The following PPP3CA variants were observed in gnomAD, a reference collection of about 807,000 sequenced individuals.
PPP3CA encodes CAM-PRP catalytic subunit.
Under a neutral mutation model 66.5 loss-of-function variants are expected in PPP3CA, and 14 were observed. The observed-to-expected ratio is 0.21, with a 90% CI of 0.14 to 0.33. PPP3CA has a LOEUF of 0.33. PPP3CA is among the 10% of genes least tolerant of loss of function. The pLI, the probability that PPP3CA is intolerant of heterozygous loss-of-function variation, is 1.00. For synonymous variants in PPP3CA, 232 were observed against 226.2 expected (o/e 1.03, Z -0.23); for missense variants, 317 against 639.5 (o/e 0.50, Z 5.44).
In PPP3CA at chr4:101,133,097, T is replaced by A. The variant is rs192906812; in HGVS notation, c.260-24019A>T. On this transcript the variant is annotated intron_variant, in intron 2 of 13. Transcript: ENST00000394854. ...ATAAACTAGGTATTGATAGAACGTATCTCAAAGTAATAAGAGCTGTTTATG... is the reference window on the plus strand; with the variant it reads ...ATAAACTAGGTATTGATAGAACGTAACTCAAAGTAATAAGAGCTGTTTATG... 3.9e-5 allele frequency among the ~76,000 whole-genome samples: 6 copies of A among 152,182 alleles called. No individual in the cohort carries two copies. The East Asian group carries it at 9.6e-4, about 24-fold the overall frequency.
intron 2 of PPP3CA, among the ~76,000 whole-genome samples, chr4:101,137,164 AAGAAGGGC>A (rs1422730259): frequency 1.3e-5 from 2 of 152,192 alleles, no homozygotes; most frequent in Non-Finnish European, 2.9e-5. Flanking sequence ...AGTTACATAA[AAGAAGGGC>A]TCAACAAGTA....
At chr4:101,073,522 G>A (rs1354254945) in intron 8 of PPP3CA, among the ~76,000 whole-genome samples, 3 of 151,854 alleles carry the variant, frequency 2.0e-5, no homozygotes, top group South Asian at 2.1e-4. Flanking sequence ...TGATCTGCCC[G>A]CCTCAGCCTC....
chr4:101,270,281 T>A (rs1727296789), intron 1 of PPP3CA, among the ~76,000 whole-genome samples: 1 of 152,084 alleles, frequency 6.6e-6, no homozygotes, highest in South Asian at 2.1e-4. Context: ...TCACAACCAA[T>A]AAAACCTTTA....
At chr4:101,327,893 A>G (rs1315894670) in intron 1 of PPP3CA, among the ~76,000 whole-genome samples, 1 of 152,222 alleles carries the variant, frequency 6.6e-6, no homozygotes, top group Non-Finnish European at 1.5e-5. Context: ...ACGTTACTCA[A>G]ATTTTTCATC....
intron 1 of PPP3CA, among the ~76,000 whole-genome samples, chr4:101,295,302 C>T (rs1236192914): frequency 7.8e-6 from 1 of 127,490 alleles, no homozygotes; most frequent in African/African-American, 3.0e-5. Context: ...AGCGAGACTC[C>T]GTCTCAAAAA....
chr4:101,161,139 T>C (rs1723493968), intron 2 of PPP3CA, among the ~76,000 whole-genome samples: 1 of 152,154 alleles, frequency 6.6e-6, no homozygotes, highest in Non-Finnish European at 1.5e-5. Context: ...AGTAACGTGG[T>C]ACAGGTTTGT....
At chr4:101,285,763 T>C (rs1273545975) in intron 1 of PPP3CA, among the ~76,000 whole-genome samples, 4 of 152,074 alleles carry the variant, frequency 2.6e-5, no homozygotes, top group Non-Finnish European at 5.9e-5. Flanking sequence ...AACTTATCAA[T>C]GCAAGCTGCT....
chr4:101,084,045 A>C (rs1260927219), intron 6 of PPP3CA, among the ~76,000 whole-genome samples: 1 of 152,196 alleles, frequency 6.6e-6, no homozygotes, highest in Non-Finnish European at 1.5e-5. Context: ...TAAACCTGAA[A>C]AACCTTTTAC....
intron 1 of PPP3CA, among the ~76,000 whole-genome samples, chr4:101,281,009 G>A (rs1727666239): frequency 6.6e-6 from 1 of 152,126 alleles, no homozygotes; most frequent in South Asian, 2.1e-4. Context: ...GATGCAGGAG[G>A]AGAACCAAGA....
At chr4:101,082,274 G>T (rs1432673666) in intron 7 of PPP3CA, among the ~76,000 whole-genome samples, 4 of 152,212 alleles carry the variant, frequency 2.6e-5, no homozygotes, top group Non-Finnish European at 4.4e-5. Flanking sequence ...TTGACTGATT[G>T]CTTGAAAACA....
rs563291979 is a variant in PPP3CA at position 101,204,574 on chromosome 4, T to C, written c.59-8458A>G. 5.0e-4 allele frequency among the ~76,000 whole-genome samples: 74 copies of C among 146,754 alleles called. 1 individual carries two copies. Among genetic ancestry groups the C allele is most frequent in the African/African-American group, 1.5e-3 (59 of 38,812 alleles). ...TGGCGCAAACCTGGGAAGCGGAGCATGTAGTGAGCCCAGATGGCACTACTG... is the reference window on the plus strand; with the variant it reads ...TGGCGCAAACCTGGGAAGCGGAGCACGTAGTGAGCCCAGATGGCACTACTG... On this transcript the variant is annotated intron_variant, in intron 1 of 13. Transcript: ENST00000394854.
chr4:101,189,452 C>CATAAACCTGTAACATTA (rs1724519742), intron 2 of PPP3CA, among the ~76,000 whole-genome samples: 1 of 151,896 alleles, frequency 6.6e-6, no homozygotes. Flanking sequence ...TTAATGACTT[C>CATAAACCTGTAACATTA]ATAAACCTGT....
At chr4:101,315,807 T>C (rs1377819469) in intron 1 of PPP3CA, among the ~76,000 whole-genome samples, 6 of 152,236 alleles carry the variant, frequency 3.9e-5, no homozygotes, top group African/African-American at 1.4e-4. Flanking sequence ...CAGTCATGGG[T>C]TCGTAGTTTT....
intron 1 of PPP3CA, among the ~76,000 whole-genome samples, chr4:101,307,498 A>G (rs1379334763): frequency 2.0e-5 from 3 of 152,192 alleles, no homozygotes; most frequent in Non-Finnish European, 2.9e-5. Context: ...GTCAAACTCT[A>G]ATATATACAG....
At chr4:101,308,165 G>A (rs1728605472) in intron 1 of PPP3CA, among the ~76,000 whole-genome samples, 1 of 152,144 alleles carries the variant, frequency 6.6e-6, no homozygotes, top group Non-Finnish European at 1.5e-5. Context: ...TACAACAAAT[G>A]TCTGGCCTGA....
intron 2 of PPP3CA, among the ~76,000 whole-genome samples, chr4:101,184,874 G>A (rs1724359033): frequency 6.6e-6 from 1 of 152,086 alleles, no homozygotes; most frequent in Non-Finnish European, 1.5e-5. Flanking sequence ...TTATTCCAGG[G>A]TGAGGCAAGG....
At chr4:101,105,596 A>C (rs78589893) in intron 3 of PPP3CA, among the ~76,000 whole-genome samples, 2,510 of 152,286 alleles carry the variant, frequency 0.016, 56 homozygotes, top group African/African-American at 0.057. Context: ...AACAAACAAA[A>C]AAAGGTAAAT....
chr4:101,250,891 C>T (rs1413198674), intron 1 of PPP3CA, among the ~76,000 whole-genome samples: 1 of 151,986 alleles, frequency 6.6e-6, no homozygotes, highest in Non-Finnish European at 1.5e-5. Flanking sequence ...ACGATCTCAA[C>T]TGTGATTACC....
At chr4:101,094,611 C>A (rs192382151) in intron 5 of PPP3CA, among the ~76,000 whole-genome samples, 1 of 152,020 alleles carries the variant, frequency 6.6e-6, no homozygotes, top group East Asian at 1.9e-4. Flanking sequence ...TCAACTTTAG[C>A]GGGTCATTCT....
Sources: gnomAD v4.1 joint callset for allele counts (sites outside exome capture counted in the v4.1 genomes callset) on GRCh38, gnomAD v4.1.1 for gene constraint, MANE v1.5 for transcripts, NCBI Gene and HGNC (gene_info 2026-07-23, HGNC 2026-07-21) for gene names.